Variants in MDM1 observed in about 807,000 individuals in gnomAD.
MDM1 encodes the protein Mdm1 nuclear protein.
A neutral mutation model predicts 89.1 loss-of-function variants in MDM1; 61 were observed. The observed-to-expected ratio is 0.68, with a 90% confidence interval of 0.56 to 0.85. The LOEUF is 0.85. Among genes scored for constraint, MDM1 ranks in the 40% least tolerant of loss-of-function variants. The pLI is 0.00. For synonymous variants in MDM1, 290 were observed against 294.1 expected (o/e 0.99, Z 0.14); for missense variants, 820 against 846.5 (o/e 0.97, Z 0.39).
Position 68,332,328 on chromosome 12 carries a change from C to A in MDM1, c.-83G>T. On this transcript the variant is annotated 5_prime_UTR_variant, in exon 1 of 15. The change creates a new upstream start codon in the 5' untranslated region. Coordinates refer to ENST00000682720, the MANE Select transcript of MDM1 (RefSeq NM_001354969.2). ...GGGGGCGGGGCGATAACAGTGTTCC[C>A]TAGCAAAGCCTCGGCCCGGCGTCCC... 1.4e-6 allele frequency: 2 copies of A among 1,451,450 alleles called. No individual in the cohort carries two copies. Among genetic ancestry groups the A allele is most frequent in the East Asian group, 2.5e-5 (1 of 39,710 alleles). 89.9% of individuals were successfully genotyped at this position (1,451,450 alleles called of 1,614,324 possible).
chr12:68,313,663 A>C lies in MDM1; in HGVS notation c.1620T>G (p.Asp540Glu). Residue 540 changes from aspartate to glutamate, a missense_variant, in exon 11 of 15, where the codon GAT (aspartate) becomes GAG (glutamate). By Grantham distance (45) the Asp-to-Glu change is conservative. Coordinates refer to ENST00000682720, the MANE Select transcript of MDM1 (RefSeq NM_001354969.2). ...GATTACCAACAGCTGGAGTAGTGAGATCATGATGAGTCCTCTGGATTCCAC... is the reference window on the plus strand; with the variant it reads ...GATTACCAACAGCTGGAGTAGTGAGCTCATGATGAGTCCTCTGGATTCCAC... ...ELGGIQRTHH[D>E]LTTPAVGGAV... The C allele has an allele frequency of 1.2e-6, 2 of 1,614,118 alleles. No homozygotes were observed. Among genetic ancestry groups the C allele is most frequent in the Non-Finnish European group, 1.7e-6 (2 of 1,179,980 alleles).
intron 5 of MDM1, 115 bp from the exon 6 acceptor site, chr12:68,321,743 T>G: frequency 1.7e-6 from 1 of 590,336 alleles, no homozygotes; most frequent in South Asian, 3.2e-5. Context: ...TTTTAGAAGC[T>G]TTAGATACTA....
chr12:68,309,947 T>C (rs867384978), intron 12 of MDM1, among the ~76,000 whole-genome samples: 1 of 152,214 alleles, frequency 6.6e-6, no homozygotes, highest in Admixed American at 6.5e-5. Context: ...TTGTCAATAA[T>C]AAACTTGTGT....
intron 7 of MDM1, among the ~76,000 whole-genome samples, chr12:68,320,034 A>G (rs981605403): frequency 2.3e-4 from 35 of 152,232 alleles, no homozygotes; most frequent in Non-Finnish European, 5.9e-5. Context: ...TCTTCAAAAC[A>G]AAGAGTTTCT....
At chr12:68,308,526 G>A (rs1048077481) in intron 12 of MDM1, among the ~76,000 whole-genome samples, 3 of 152,194 alleles carry the variant, frequency 2.0e-5, no homozygotes, top group African/African-American at 7.2e-5. Flanking sequence ...CCTTAGAGGT[G>A]CCTGTCCTGA....
In MDM1 at chr12:68,315,015, C is replaced by G; in HGVS notation, c.1462G>C (p.Ala488Pro). 2 of 1,614,142 alleles carry G rather than the reference C, an allele frequency of 1.2e-6. No homozygotes were observed. Among genetic ancestry groups the G allele is most frequent in the Non-Finnish European group, 1.7e-6 (2 of 1,180,028 alleles). Residue 488 changes from alanine to proline, a missense_variant, in exon 10 of 15, where the codon GCT (alanine) becomes CCT (proline). Physicochemically the swap from Ala to Pro is conservative, Grantham distance 27. Transcript: ENST00000682720. ...EEGDRKTGKQ[A>P]FMGEQEKLDV... is the part of the protein sequence containing the mutation. The stretch of plus-strand genomic sequence containing the variant: ...AACTTCTCTTGCTCTCCCATAAAAG[C>G]CTGCTTGCCCGTTTTCCTGTCCCCT...
At chr12:68,326,091 A>G in intron 3 of MDM1, 10 of 1,001,512 alleles carry the variant, frequency 1.0e-5, no homozygotes, top group Non-Finnish European at 1.2e-5. Flanking sequence ...CAGAATGGAG[A>G]AAGAAATGTG....
At chr12:68,317,850 C>T (rs187261343) in intron 7 of MDM1, among the ~76,000 whole-genome samples, 5 of 152,272 alleles carry the variant, frequency 3.3e-5, no homozygotes, top group South Asian at 4.1e-4. Flanking sequence ...CCAGTAAGTG[C>T]CCCCATGCTT....
intron 1 of MDM1, chr12:68,331,931 T>C: frequency 1.5e-6 from 1 of 673,300 alleles, no homozygotes; most frequent in Non-Finnish European, 2.7e-6. Context: ...TCGCCTTTAG[T>C]TCTCTTCGCA....
In MDM1 at chr12:68,305,340, C is replaced by T. The variant is rs1238186628; in HGVS notation, c.1750-2468G>A. On this transcript the variant is annotated intron_variant, in intron 12 of 14. Transcript: ENST00000682720. ...CTGAATGGGCAAAGGTGAAAGCATCCCCCCTAAGAACAAGACAAGGATGCC... is the reference window on the plus strand; with the variant it reads ...CTGAATGGGCAAAGGTGAAAGCATCTCCCCTAAGAACAAGACAAGGATGCC... Among the ~76,000 whole-genome samples, 11 of 152,044 alleles carry T rather than the reference C, an allele frequency of 7.2e-5. No individual in the cohort carries two copies. In the East Asian group the frequency reaches 2.1e-3, roughly 29 times the overall value.
chr12:68,295,384 C>A lies in MDM1; in HGVS notation c.2063-18G>T. ...GTCCTCATCTGCAATGAAAAAATCCCGAGATTATATTCATTGCCAAAAATA... is the reference window on the plus strand; with the variant it reads ...GTCCTCATCTGCAATGAAAAAATCCAGAGATTATATTCATTGCCAAAAATA... On this transcript the variant is annotated intron_variant, in intron 14 of 14. Coordinates refer to ENST00000682720, the MANE Select transcript of MDM1 (RefSeq NM_001354969.2). The A allele has an allele frequency of 6.6e-7, 1 of 1,510,610 alleles. No homozygotes were observed. The highest frequency in any genetic ancestry group is 1.2e-5 in the South Asian group (1 of 85,516). 93.6% of individuals were successfully genotyped at this position (1,510,610 alleles called of 1,614,324 possible).
rs1380010488 is a variant in MDM1 at position 68,294,692 on chromosome 12, A to G, written c.*562T>C. ...GTCCTTACACAAATAGAATACACTC[A>G]AAGATCAAAAATATACATATCTTTC... On this transcript the variant is annotated 3_prime_UTR_variant, in exon 15 of 15. Coordinates refer to ENST00000682720, the MANE Select transcript of MDM1 (RefSeq NM_001354969.2). 1.3e-5 allele frequency: 2 copies of G among 152,230 alleles called. No homozygotes were observed. Among genetic ancestry groups the G allele is most frequent in the East Asian group, 3.8e-4 (2 of 5,204 alleles). 9.4% of individuals were successfully genotyped at this position (152,230 alleles called of 1,614,324 possible).
At chr12:68,297,305 G>A (rs984824283) in intron 13 of MDM1, among the ~76,000 whole-genome samples, 2 of 152,190 alleles carry the variant, frequency 1.3e-5, no homozygotes, top group African/African-American at 4.8e-5. Flanking sequence ...CTTCTGATTA[G>A]AGATGGTAAA....
At chr12:68,332,125 G>C in intron 1 of MDM1, 103 bp downstream of exon 1, 1 of 1,479,408 alleles carries the variant, frequency 6.8e-7, no homozygotes, top group Non-Finnish European at 9.2e-7. Flanking sequence ...CTTCCGCCGG[G>C]CAGAGGGCTG....
chr12:68,313,998 G>A (rs553771885), intron 10 of MDM1, among the ~76,000 whole-genome samples: 56 of 152,190 alleles, frequency 3.7e-4, no homozygotes, highest in Middle Eastern at 3.4e-3. Context: ...TTAGCTGGGT[G>A]TGGTGGCGGG....
chr12:68,322,503 G>T (rs1456815514), intron 5 of MDM1, among the ~76,000 whole-genome samples: 1 of 152,074 alleles, frequency 6.6e-6, no homozygotes, highest in Non-Finnish European at 1.5e-5. Context: ...GCATGGTGGC[G>T]TGCATCTGTA....
At chr12:68,302,248 T>C (rs564290856) in intron 13 of MDM1, among the ~76,000 whole-genome samples, 1 of 152,292 alleles carries the variant, frequency 6.6e-6, no homozygotes, top group Non-Finnish European at 1.5e-5. Flanking sequence ...GAGCAATGCC[T>C]ACTAACACTA....
At chr12:68,305,818 A>T (rs1408829341) in intron 12 of MDM1, among the ~76,000 whole-genome samples, 1 of 152,082 alleles carries the variant, frequency 6.6e-6, no homozygotes, top group Non-Finnish European at 1.5e-5. Flanking sequence ...AAATTGCCAT[A>T]CTGTCTAAAG....
Position 68,303,225 on chromosome 12 carries a change from T to C in MDM1, c.1750-353A>G, listed in dbSNP as rs76155743. 2.4e-3 allele frequency among the ~76,000 whole-genome samples: 360 copies of C among 152,334 alleles called. 1 individual carries two copies. The highest frequency in any genetic ancestry group is 8.2e-3 in the African/African-American group (343 of 41,580). Reference sequence around the variant, plus strand: ...GGATATGAATAAGCAATTCATATAATGTACACACAAATCACAAACAGCAAA... The same window carrying C: ...GGATATGAATAAGCAATTCATATAACGTACACACAAATCACAAACAGCAAA... On this transcript the variant is annotated intron_variant, in intron 12 of 14. Transcript: ENST00000682720.
Sources: gnomAD v4.1 joint callset for allele counts (sites outside exome capture counted in the v4.1 genomes callset) on GRCh38, gnomAD v4.1.1 for gene constraint, MANE v1.5 for transcripts, NCBI Gene and HGNC (gene_info 2026-07-23, HGNC 2026-07-21) for gene names.